The following PDE4DIP variants were observed in gnomAD, a reference collection of about 807,000 sequenced individuals.
The protein encoded by PDE4DIP is phosphodiesterase 4D interacting protein, also known as myomegalin.
A neutral mutation model predicts 221.4 loss-of-function variants in PDE4DIP; 59 were observed. That is an observed-to-expected ratio of 0.27 (90% CI 0.22 to 0.33). The LOEUF (loss-of-function observed/expected upper bound fraction) is 0.33, where lower values mean the gene tolerates loss of function less well. PDE4DIP is among the 10% of genes least tolerant of loss of function. The probability of loss-of-function intolerance (pLI) is 1.00; values close to 1 mark genes in which losing one functional copy is unlikely to be tolerated. For missense variants in PDE4DIP, 1,036 were observed against 2,154.2 expected, an observed-to-expected ratio of 0.48 and a Z score of 10.28; for synonymous variants, 404 against 815.9, an observed-to-expected ratio of 0.50 and a Z score of 8.60.
intron 1 of PDE4DIP, among the ~76,000 whole-genome samples, chr1:148,820,555 C>CAAAA (rs148261220): frequency 5.0e-3 from 195 of 38,972 alleles, no homozygotes; most frequent in Admixed American, 5.3e-3. Flanking sequence ...AACTCCATCT[C>CAAAA]AAAAAAAAAA....
intron 38 of PDE4DIP, among the ~76,000 whole-genome samples, chr1:149,025,355 G>T (rs1465725802): frequency 6.6e-6 from 1 of 151,586 alleles, no homozygotes; most frequent in Non-Finnish European, 1.5e-5. Flanking sequence ...GGAACTCAGT[G>T]TATGGTAAAA....
At chr1:148,981,290 T>G in exon 21 of PDE4DIP, 1 of 1,613,698 alleles carries the variant, frequency 6.2e-7, no homozygotes. Context: ...GACCGAACTC[T>G]GCAGGTGGAA....
At chr1:148,990,143 A>G (rs781857927) in intron 21 of PDE4DIP, 56 of 834,452 alleles carry the variant, frequency 6.7e-5, no homozygotes, top group Non-Finnish European at 7.9e-5. Context: ...TAGCACTTCC[A>G]TGAGATCAGC....
chr1:148,978,338 G>A lies in PDE4DIP; in HGVS notation c.2497G>A (p.Glu833Lys), dbSNP rs782288568. 3 of 1,612,574 alleles carry A rather than the reference G, an allele frequency of 1.9e-6. No individual in the cohort carries two copies. In the South Asian group the frequency reaches 3.3e-5, roughly 18 times the overall value. ...ACCAGCTATGGAACGCCTGACCCAG[G>A]AAGTCTTACTTCTTCGGGAAAAAGT... Residue 833 changes from glutamate to lysine, a missense_variant, in exon 19 of 44, where the codon GAA becomes AAA. Transcript: ENST00000369354.
At chr1:148,941,935 C>T (rs1553480147) in intron 5 of PDE4DIP, 1 of 152,124 alleles carries the variant, frequency 6.6e-6, no homozygotes, top group African/African-American at 2.4e-5. Context: ...AAAGAATCTC[C>T]TCATCTCCAG....
intron 23 of PDE4DIP, among the ~76,000 whole-genome samples, chr1:149,000,419 G>A (rs1387261695): frequency 6.6e-6 from 1 of 151,942 alleles, no homozygotes; most frequent in Non-Finnish European, 1.5e-5. Context: ...GCTGGGCGTG[G>A]TGGCACGTGC....
intron 1 of PDE4DIP, among the ~76,000 whole-genome samples, chr1:148,918,710 T>C (rs542741): frequency 1.4e-5 from 2 of 140,122 alleles, no homozygotes; most frequent in Non-Finnish European, 3.1e-5. Context: ...ATCCATGGTC[T>C]CAGTGCTTAC....
chr1:148,981,016 A>G (rs1254959058), intron 20 of PDE4DIP, among the ~76,000 whole-genome samples: 4 of 152,260 alleles, frequency 2.6e-5, no homozygotes, highest in African/African-American at 9.6e-5. Flanking sequence ...CTTAGGAGCT[A>G]TAATTTTATG....
intron 4 of PDE4DIP, among the ~76,000 whole-genome samples, chr1:148,934,578 G>T (rs2048782755): frequency 6.6e-6 from 1 of 152,124 alleles, no homozygotes; most frequent in Admixed American, 6.6e-5. Context: ...GTTTACATTT[G>T]TATAATGTTT....
chr1:149,000,762 A>G (rs1265756427), intron 23 of PDE4DIP, among the ~76,000 whole-genome samples: 3 of 151,212 alleles, frequency 2.0e-5, no homozygotes, highest in African/African-American at 7.3e-5. Context: ...ATGCAATTTC[A>G]TTTAAGCATC....
upstream of PDE4DIP, among the ~76,000 whole-genome samples, chr1:148,888,132 T>C (rs1487167987): frequency 6.8e-6 from 1 of 147,226 alleles, no homozygotes; most frequent in Non-Finnish European, 1.5e-5. Context: ...GGTCATGAAA[T>C]CCGTCGGGTG....
exon 30 of PDE4DIP, chr1:149,009,616 G>C: frequency 3.1e-6 from 5 of 1,614,018 alleles, no homozygotes; most frequent in South Asian, 1.1e-5. Flanking sequence ...AAGTCCTGCA[G>C]GCCAAGCTGG....
intron 21 of PDE4DIP, among the ~76,000 whole-genome samples, 159 bp from the exon 25 acceptor site, chr1:148,991,726 A>G (rs1465368057): frequency 3.9e-5 from 6 of 151,960 alleles, no homozygotes; most frequent in Non-Finnish European, 5.9e-5. Flanking sequence ...AAAAAGTTCT[A>G]TTTTTCTTTC....
At chr1:148,926,857 A>G (rs1184540135) in intron 1 of PDE4DIP, among the ~76,000 whole-genome samples, 2 of 146,050 alleles carry the variant, frequency 1.4e-5, no homozygotes, top group African/African-American at 5.1e-5. Context: ...TGATTCATCA[A>G]TTGGTACAGA....
intron 37 of PDE4DIP, among the ~76,000 whole-genome samples, chr1:149,022,091 A>T (rs587618290): frequency 8.7e-5 from 13 of 150,282 alleles, no homozygotes; most frequent in African/African-American, 2.5e-4. Context: ...ATTCATGGAC[A>T]TGAGGGTTTG....
At chr1:148,927,522 G>A (rs1412147594) in intron 1 of PDE4DIP, among the ~76,000 whole-genome samples, 1 of 151,968 alleles carries the variant, frequency 6.6e-6, no homozygotes, top group Non-Finnish European at 1.5e-5. Context: ...GCCTTCACAA[G>A]TATGGTAGAA....
chr1:148,899,070 A>G, intron 1 of PDE4DIP, among the ~76,000 whole-genome samples: 1 of 111,472 alleles, frequency 9.0e-6, no homozygotes. Context: ...TACCTCAGGT[A>G]ATCCACCCAC....
Position 149,032,102 on chromosome 1 carries a change from C to A in PDE4DIP, c.*117C>A. ...ACCTATCTGCTGAGGAGCATCTGGG[C>A]CTCATTCCTCCAAGTCCACGGGAGG... On this transcript the variant is annotated 3_prime_UTR_variant, in exon 44 of 44. Transcript: ENST00000369354. 1.9e-6 allele frequency: 3 copies of A among 1,592,312 alleles called. No homozygotes were observed. In the South Asian group the frequency reaches 3.4e-5, roughly 18 times the overall value.
chr1:149,010,421 C>T, intron 30 of PDE4DIP, 22 bp from the exon 34 acceptor site: 1 of 1,611,952 alleles, frequency 6.2e-7, no homozygotes, highest in East Asian at 2.2e-5. Context: ...CATACGTTTT[C>T]TTTCATTCAT....
Sources: gnomAD v4.1 joint callset for allele counts (sites outside exome capture counted in the v4.1 genomes callset) on GRCh38, gnomAD v4.1.1 for gene constraint, MANE v1.5 for transcripts, NCBI Gene and HGNC (gene_info 2026-07-23, HGNC 2026-07-21) for gene names.